Variants in ATP6V0D1 observed in about 807,000 individuals in gnomAD.
ATP6V0D1 encodes the protein ATPase H+ transporting V0 subunit d1.
Under a neutral mutation model 39.0 loss-of-function variants are expected in ATP6V0D1, and 13 were observed. The observed-to-expected ratio is 0.33, with a 90% CI of 0.22 to 0.53. The LOEUF (loss-of-function observed/expected upper bound fraction) is 0.53, where lower values mean the gene tolerates loss of function less well. Ranked by LOEUF, ATP6V0D1 falls within the 20% of genes least tolerant of loss-of-function variation. The pLI, the probability that ATP6V0D1 is intolerant of heterozygous loss-of-function variation, is 0.94. For missense variants in ATP6V0D1, 272 were observed against 470.9 expected (o/e 0.58, Z 3.91); for synonymous variants, 191 against 191.2 (o/e 1.00, Z 0.01).
intron 2 of ATP6V0D1, among the ~76,000 whole-genome samples, chr16:67,450,779 C>T (rs2041171109): frequency 6.6e-6 from 1 of 152,182 alleles, no homozygotes; most frequent in South Asian, 2.1e-4. Flanking sequence ...GGTGCCTGCA[C>T]AGACAGGAAT....
In ATP6V0D1 at chr16:67,438,231, T is replaced by C; in HGVS notation, c.*297A>G. The C allele has an allele frequency of 2.5e-6, 1 of 403,002 alleles. No individual in the cohort carries two copies. Among genetic ancestry groups the C allele is most frequent in the South Asian group, 2.8e-5 (1 of 36,188 alleles). 25.0% of individuals were successfully genotyped at this position (403,002 alleles called of 1,614,324 possible). A position where few individuals can be genotyped will look rare whatever the true frequency, so the allele number is the denominator to read the frequency against. ...AGGGAGTTAGGGAGGAACATGAAAG[T>C]GACATGCTTCTTAGATACATCAGCG... On this transcript the variant is annotated 3_prime_UTR_variant, in exon 8 of 8. Transcript: ENST00000290949.
At chr16:67,469,408 A>G (rs2041355256) in intron 1 of ATP6V0D1, among the ~76,000 whole-genome samples, 1 of 152,232 alleles carries the variant, frequency 6.6e-6, no homozygotes, top group Non-Finnish European at 1.5e-5. Flanking sequence ...GGTCAGGAGG[A>G]AGAGGCAAAG....
In ATP6V0D1 at chr16:67,447,512, T is replaced by C. The variant is rs114928325; in HGVS notation, c.303-2806A>G. ...CATTCCTCCCCTCATTTGGCCTCAA[T>C]AGGAGGGAATAAGGTTCCAGCTGGT... On this transcript the variant is annotated intron_variant, in intron 2 of 7. Coordinates refer to ENST00000290949, the MANE Select transcript of ATP6V0D1 (RefSeq NM_004691.5). This position sits in a 1 kb window ranked among gnomAD's most constrained non-coding sequence, Gnocchi z 4.1. Among the ~76,000 whole-genome samples, 856 of 152,074 alleles carry C rather than the reference T, an allele frequency of 5.6e-3. 8 individuals carry two copies. Among genetic ancestry groups the C allele is most frequent in the African/African-American group, 0.019 (799 of 41,474 alleles).
intron 1 of ATP6V0D1, among the ~76,000 whole-genome samples, chr16:67,475,906 C>T (rs963281810): frequency 1.3e-5 from 2 of 152,138 alleles, no homozygotes; most frequent in African/African-American, 4.8e-5. Context: ...AGGTCTGGGT[C>T]AAGAAATCTT....
chr16:67,446,357 T>C (rs537908677), intron 2 of ATP6V0D1, among the ~76,000 whole-genome samples: 38 of 152,306 alleles, frequency 2.5e-4, no homozygotes, highest in African/African-American at 9.1e-4. Flanking sequence ...CTCCTGGGCC[T>C]GGAGCCAGGC....
chr16:67,480,198 CAAA>C (rs5817621), intron 1 of ATP6V0D1, among the ~76,000 whole-genome samples: 3 of 29,592 alleles, frequency 1.0e-4, no homozygotes, highest in Non-Finnish European at 1.7e-4. Context: ...GACTCCGTCT[CAAA>C]AAAAAAAAAA....
At chr16:67,460,255 T>C (rs2041278441) in intron 1 of ATP6V0D1, among the ~76,000 whole-genome samples, 1 of 152,140 alleles carries the variant, frequency 6.6e-6, no homozygotes, top group South Asian at 2.1e-4. Context: ...TGGCTCAAAG[T>C]AGGAAAACTC....
intron 2 of ATP6V0D1, among the ~76,000 whole-genome samples, chr16:67,446,539 G>C (rs2041117613): frequency 6.6e-6 from 1 of 152,144 alleles, no homozygotes; most frequent in African/African-American, 2.4e-5. Flanking sequence ...CACAGTGCTG[G>C]CAGAGTGAGG....
At chr16:67,454,392 G>T (rs1156281106) in intron 1 of ATP6V0D1, among the ~76,000 whole-genome samples, 1 of 152,142 alleles carries the variant, frequency 6.6e-6, no homozygotes, top group Non-Finnish European at 1.5e-5. Flanking sequence ...GAGACAGGCA[G>T]ACCAATCCTG....
In ATP6V0D1 at chr16:67,439,152, G is replaced by A. The variant is rs1280420801; in HGVS notation, c.640-5C>T. On this transcript the variant is annotated splice_region_variant and splice_polypyrimidine_tract_variant and intron_variant, in intron 5 of 7. Transcript: ENST00000290949. ...GGCGCGGCGGTCTGCTTCAAACTGT[G>A]GAGCCAGTGCACAGGTAAGAAGAGA... The A allele has an allele frequency of 1.2e-6, 2 of 1,613,776 alleles. No individual in the cohort carries two copies. Among genetic ancestry groups the A allele is most frequent in the Non-Finnish European group, 1.7e-6 (2 of 1,179,776 alleles).
In ATP6V0D1 at chr16:67,439,091, C is replaced by T. The variant is rs746084231; in HGVS notation, c.696G>A (p.Leu232=). ...AGAGCTTGGCACGGTCCTCTTTGGA[C>T]AGCTCTGTGCCGAAAGAATTGATGG... ...IITINSFGTE[L]SKEDRAKLFP... Residue 232 remains leucine, a synonymous_variant, in exon 6 of 8, where the codon CTG becomes CTA. Transcript: ENST00000290949. The T allele has an allele frequency of 6.2e-7, 1 of 1,614,250 alleles. No individual in the cohort carries two copies. The highest frequency in any genetic ancestry group is 8.5e-7 in the Non-Finnish European group (1 of 1,180,036).
At chr16:67,443,743 A>T (rs1238844535) in intron 3 of ATP6V0D1, among the ~76,000 whole-genome samples, 1 of 152,178 alleles carries the variant, frequency 6.6e-6, no homozygotes, top group Non-Finnish European at 1.5e-5. Flanking sequence ...TCTCTTCATT[A>T]AAGATGGAGA....
At position 67,444,453 on chromosome 16, in the gene ATP6V0D1, G is replaced by A. The variant is rs527745981; in HGVS notation, c.481+75C>T. 1.7e-4 allele frequency: 253 copies of A among 1,479,376 alleles called. No individual in the cohort carries two copies. The highest frequency in any genetic ancestry group is 1.1e-3 in the African/African-American group (76 of 71,460). The allele number at this position is 1,479,376 out of a possible 1,614,324, so 91.6% of individuals were successfully genotyped here. ...TTCTGGCTCAGGGTCGCCCCCCAGC[G>A]GGTCCACAAACCCCACCCTGATGCG... On this transcript the variant is annotated intron_variant, in intron 3 of 7. Transcript: ENST00000290949. The surrounding 1 kb of genome is among the most constrained non-coding windows in gnomAD (Gnocchi z 4.8).
Position 67,456,369 on chromosome 16 carries a change from T to A in ATP6V0D1, c.131-2654A>T, listed in dbSNP as rs1597577012. ...ATGCCCCTGATGTGGTTTTTGTGGA[T>A]GTGAAATGGTAAGAATATTAACTGG... On this transcript the variant is annotated intron_variant, in intron 1 of 7. Coordinates refer to ENST00000290949, the MANE Select transcript of ATP6V0D1 (RefSeq NM_004691.5). The surrounding 1 kb of genome is among the most constrained non-coding windows in gnomAD (Gnocchi z 4.1). The A allele has an allele frequency of 6.6e-6, 1 of 152,244 alleles. No individual in the cohort carries two copies. The highest frequency in any genetic ancestry group is 1.5e-5 in the Non-Finnish European group (1 of 68,054). 9.4% of individuals were successfully genotyped at this position (152,244 alleles called of 1,614,324 possible). A position where few individuals can be genotyped will look rare whatever the true frequency, so the allele number is the denominator to read the frequency against.
intron 1 of ATP6V0D1, among the ~76,000 whole-genome samples, chr16:67,466,948 G>C (rs1264440748): frequency 6.6e-6 from 1 of 152,208 alleles, no homozygotes; most frequent in African/African-American, 2.4e-5. Context: ...CAAGGCTGAA[G>C]AGGACGTGGA....
chr16:67,448,680 CAT>C (rs1240452844), intron 2 of ATP6V0D1, among the ~76,000 whole-genome samples: 1 of 146,436 alleles, frequency 6.8e-6, no homozygotes, highest in Non-Finnish European at 1.5e-5. Context: ...AAAAAAAAAG[CAT>C]ATGAGTGAGG....
intron 1 of ATP6V0D1, among the ~76,000 whole-genome samples, chr16:67,476,157 G>A (rs985423590): frequency 3.3e-5 from 5 of 151,966 alleles, no homozygotes; most frequent in Admixed American, 2.6e-4. Flanking sequence ...GGGAGGCAGA[G>A]GTTGCAGTGA....
At chr16:67,473,197 T>A (rs550822587) in intron 1 of ATP6V0D1, among the ~76,000 whole-genome samples, 1 of 152,146 alleles carries the variant, frequency 6.6e-6, no homozygotes, top group African/African-American at 2.4e-5. Context: ...TCTTCCCACC[T>A]CTTGGCCTGG....
chr16:67,471,367 T>C (rs1015641174), intron 1 of ATP6V0D1, among the ~76,000 whole-genome samples: 2 of 152,132 alleles, frequency 1.3e-5, no homozygotes, highest in Non-Finnish European at 2.9e-5. Flanking sequence ...TTTTGTATTC[T>C]TAGTAGATAT....
Sources: allele counts gnomAD v4.1 joint callset (sites outside exome capture counted in the v4.1 genomes callset), GRCh38; gene constraint gnomAD v4.1.1; non-coding constraint Gnocchi (gnomAD v3.1); transcripts MANE v1.5; gene names NCBI Gene and HGNC (gene_info 2026-07-23, HGNC 2026-07-21).